Variants in PCDH7 observed in about 807,000 individuals in gnomAD.
PCDH7 encodes the protein protocadherin 7, also known as protocadherin-7.
A neutral mutation model predicts 58.9 loss-of-function variants in PCDH7; 17 were observed. That is an observed-to-expected ratio of 0.29 (90% confidence interval 0.20 to 0.43). PCDH7 has a LOEUF of 0.43. PCDH7 is among the 20% of genes least tolerant of loss of function. PCDH7 has a pLI of 1.00. For missense variants in PCDH7, 1,274 were observed against 1,441.0 expected, an observed-to-expected ratio of 0.88 and a Z score of 1.88; for synonymous variants, 664 against 616.4, an observed-to-expected ratio of 1.08 and a Z score of -1.14.
At chr4:30,981,336 G>C (rs556353041) in intron 3 of PCDH7, among the ~76,000 whole-genome samples, 3 of 152,208 alleles carry the variant, frequency 2.0e-5, no homozygotes, top group South Asian at 2.1e-4. Flanking sequence ...TCACTTGAAG[G>C]CTTTATTAAG....
intron 3 of PCDH7, among the ~76,000 whole-genome samples, chr4:31,129,562 A>G (rs1192203322): frequency 6.6e-6 from 1 of 152,186 alleles, no homozygotes; most frequent in African/African-American, 2.4e-5. Context: ...GTTTTAAACT[A>G]GGAACAGACT....
chr4:30,750,419 A>C (rs1283790906), intron 1 of PCDH7, among the ~76,000 whole-genome samples: 3 of 152,136 alleles, frequency 2.0e-5, no homozygotes, highest in Admixed American at 2.0e-4. Flanking sequence ...AATGAGAGTG[A>C]GAGTGGAAAG....
chr4:30,887,036 C>T (rs908902525), intron 1 of PCDH7, among the ~76,000 whole-genome samples: 18 of 147,976 alleles, frequency 1.2e-4, no homozygotes, highest in South Asian at 2.2e-4. Flanking sequence ...TGCTAGATGA[C>T]GAGTTAGTGG....
chr4:31,046,095 C>G (rs951603813), intron 3 of PCDH7, among the ~76,000 whole-genome samples: 4 of 151,934 alleles, frequency 2.6e-5, no homozygotes, highest in Non-Finnish European at 5.9e-5. Flanking sequence ...TGTTGTAGAC[C>G]ATGGGTTGAC....
At chr4:30,862,850 A>G (rs1434018398) in intron 1 of PCDH7, among the ~76,000 whole-genome samples, 1 of 152,084 alleles carries the variant, frequency 6.6e-6, no homozygotes, top group African/African-American at 2.4e-5. Flanking sequence ...TTAAAGGGTT[A>G]CTATAGTACC....
intron 1 of PCDH7, among the ~76,000 whole-genome samples, chr4:30,756,560 CTCT>C (rs1474194161): frequency 3.3e-5 from 5 of 152,180 alleles, no homozygotes; most frequent in Admixed American, 2.0e-4. Flanking sequence ...ACGGTACAAC[CTCT>C]TCTTATCTTT....
At chr4:30,872,502 A>G (rs756346281) in intron 1 of PCDH7, among the ~76,000 whole-genome samples, 2 of 152,020 alleles carry the variant, frequency 1.3e-5, no homozygotes, top group Non-Finnish European at 2.9e-5. Context: ...GTGCTAGACT[A>G]TGTTCCATTA....
intron 1 of PCDH7, among the ~76,000 whole-genome samples, chr4:30,904,169 A>G (rs535262850): frequency 3.2e-4 from 49 of 152,270 alleles, no homozygotes; most frequent in African/African-American, 9.9e-4. Context: ...TAAGTTTTCT[A>G]TTGCTTTGTA....
intron 1 of PCDH7, among the ~76,000 whole-genome samples, chr4:30,832,236 T>C (rs1167613288): frequency 1.3e-5 from 2 of 152,142 alleles, no homozygotes; most frequent in East Asian, 3.9e-4. Context: ...GTGACTCCAC[T>C]GTTGAAGAAT....
chr4:30,966,467 G>A (rs1749003055), intron 3 of PCDH7, among the ~76,000 whole-genome samples: 1 of 152,100 alleles, frequency 6.6e-6, no homozygotes, highest in South Asian at 2.1e-4. Context: ...TAATGTGTTA[G>A]CCCCAAATTA....
chr4:31,015,300 A>G (rs1247971191), intron 3 of PCDH7, among the ~76,000 whole-genome samples: 1 of 152,312 alleles, frequency 6.6e-6, no homozygotes. Context: ...ATCGCACTTT[A>G]TGATGAAATG....
intron 3 of PCDH7, among the ~76,000 whole-genome samples, chr4:31,038,859 TATTTA>T (rs1755620966): frequency 6.6e-6 from 1 of 152,202 alleles, no homozygotes; most frequent in East Asian, 1.9e-4. Context: ...ATGATCTTTG[TATTTA>T]AAAGTTCCAG....
At chr4:30,814,441 T>C (rs1016410239) in intron 1 of PCDH7, among the ~76,000 whole-genome samples, 1 of 152,148 alleles carries the variant, frequency 6.6e-6, no homozygotes, top group Admixed American at 6.5e-5. Flanking sequence ...TATTTTACTC[T>C]TCAGTGAATT....
At chr4:31,084,686 GA>G (rs370995599) in intron 3 of PCDH7, among the ~76,000 whole-genome samples, 23 of 128,540 alleles carry the variant, frequency 1.8e-4, no homozygotes, top group Admixed American at 3.9e-4. Flanking sequence ...GATAAAGGGG[GA>G]GGGGAGGGAA....
At chr4:30,984,724 G>A (rs1750830025) in intron 3 of PCDH7, among the ~76,000 whole-genome samples, 1 of 152,018 alleles carries the variant, frequency 6.6e-6, no homozygotes, top group African/African-American at 2.4e-5. Context: ...GAAATTTCCA[G>A]GTTAAATATA....
In PCDH7 at chr4:30,721,430, G is replaced by A. The variant is rs181051038; in HGVS notation, c.8G>A (p.Arg3Lys). 2.1e-3 allele frequency: 3,205 copies of A among 1,513,314 alleles called. 163 individuals carry two copies. The Admixed American group carries it at 0.062, about 29-fold the overall frequency. 93.7% of individuals were successfully genotyped at this position (1,513,314 alleles called of 1,614,324 possible). A position where few individuals can be genotyped will look rare whatever the true frequency, so the allele number is the denominator to read the frequency against. The change falls in exon 1 of 2, where the codon AGG becomes AAG. Residue 3 changes from arginine to lysine, a missense_variant. This residue lies in a region of PCDH7 where 212 missense variants were observed against 255.8 expected (regional missense o/e 0.83). Transcript: ENST00000361762. This position sits in a 1 kb window ranked among gnomAD's most constrained non-coding sequence, Gnocchi z 6.7. Reference sequence around the variant, plus strand: ...CAGCAGCAGCAGGAGAAGATGCTGAGGATGCGGACCGCGGGATGGGCGCGC... The same window carrying A: ...CAGCAGCAGCAGGAGAAGATGCTGAAGATGCGGACCGCGGGATGGGCGCGC...
intron 3 of PCDH7, among the ~76,000 whole-genome samples, chr4:30,966,596 G>A (rs2109466967): frequency 6.6e-6 from 1 of 152,216 alleles, no homozygotes; most frequent in East Asian, 1.9e-4. Flanking sequence ...TTTGAGGGGA[G>A]TGGGATATGA....
intron 1 of PCDH7, chr4:30,786,739 C>A: frequency 1.0e-6 from 1 of 982,906 alleles, no homozygotes. Context: ...GGATACAGTG[C>A]AGACCATGAA....
chr4:31,030,707 G>C (rs921364098), intron 3 of PCDH7, among the ~76,000 whole-genome samples: 6 of 152,084 alleles, frequency 3.9e-5, no homozygotes, highest in Non-Finnish European at 8.8e-5. Context: ...GAAAAGACAA[G>C]ACAGCTACTG....
Sources: gnomAD v4.1 joint callset for allele counts (sites outside exome capture counted in the v4.1 genomes callset) on GRCh38, gnomAD v4.1.1 for gene constraint, gnomAD v4.1.1 regional missense constraint, Gnocchi (gnomAD v3.1) non-coding constraint, MANE v1.5 for transcripts, NCBI Gene and HGNC (gene_info 2026-07-23, HGNC 2026-07-21) for gene names.